Variants in HSPBAP1 observed in about 807,000 individuals in gnomAD.
HSPBAP1 encodes the protein HSPB1-associated protein 1.
HSPBAP1 carries 27 observed loss-of-function variants against 45.2 expected under a neutral mutation model. The observed-to-expected ratio is 0.60, with a 90% CI of 0.44 to 0.82. HSPBAP1 has a LOEUF of 0.82. Among genes scored for constraint, HSPBAP1 ranks in the 40% least tolerant of loss-of-function variants. The pLI, the probability that HSPBAP1 is intolerant of heterozygous loss-of-function variation, is 0.00. For missense variants in HSPBAP1, 510 were observed against 590.9 expected, an observed-to-expected ratio of 0.86 and a Z score of 1.42; for synonymous variants, 204 against 202.7, an observed-to-expected ratio of 1.01 and a Z score of -0.06.
intron 1 of HSPBAP1, among the ~76,000 whole-genome samples, chr3:122,779,492 T>TTTTATTTATTTATTTATTTATTTATTTA (rs58626370): frequency 6.9e-6 from 1 of 144,318 alleles, no homozygotes; most frequent in Non-Finnish European, 1.5e-5. Flanking sequence ...ATATGTTTTC[T>TTTTATTTATTTATTTATTTATTTATTTA]TTTATTTATT....
At chr3:122,767,200 T>C (rs749716106) in intron 3 of HSPBAP1, among the ~76,000 whole-genome samples, 4 of 152,242 alleles carry the variant, frequency 2.6e-5, no homozygotes, top group Non-Finnish European at 5.9e-5. Context: ...TTAAAACCTA[T>C]GCATTTCTTT....
chr3:122,789,964 AC>A (rs1367559598), intron 1 of HSPBAP1, among the ~76,000 whole-genome samples: 2 of 151,754 alleles, frequency 1.3e-5, no homozygotes, highest in Non-Finnish European at 2.9e-5. Context: ...ACAGGTTCAA[AC>A]GATTCTTGTG....
chr3:122,747,265 C>G (rs1159167528), intron 6 of HSPBAP1, among the ~76,000 whole-genome samples: 1 of 150,294 alleles, frequency 6.7e-6, no homozygotes, highest in African/African-American at 2.5e-5. Flanking sequence ...TCTGCCCGGC[C>G]GCCCATCGTC....
chr3:122,741,120 TA>T lies in HSPBAP1; in HGVS notation c.826-8del, dbSNP rs755126554. ...GGGCTAGGTGATCCTCTTCCTGAAT[TA>T]AAAAAACACGCTTTTAACTTCTGTT... On this transcript the variant is annotated splice_region_variant and splice_polypyrimidine_tract_variant and intron_variant, in intron 6 of 7. Transcript: ENST00000306103. 1.9e-6 allele frequency: 3 copies of T among 1,597,764 alleles called. No homozygotes were observed. Among genetic ancestry groups the T allele is most frequent in the African/African-American group, 1.3e-5 (1 of 74,688 alleles).
chr3:122,765,672 T>C (rs1378694112), intron 3 of HSPBAP1, among the ~76,000 whole-genome samples: 1 of 152,050 alleles, frequency 6.6e-6, no homozygotes, highest in Non-Finnish European at 1.5e-5. Flanking sequence ...ACAGTGGTAT[T>C]AACAAATGTG....
chr3:122,744,129 T>A (rs1324776940), intron 6 of HSPBAP1, among the ~76,000 whole-genome samples: 3 of 152,090 alleles, frequency 2.0e-5, no homozygotes, highest in Non-Finnish European at 2.9e-5. Flanking sequence ...TAACAAAAGA[T>A]ATAACAAAGG....
At chr3:122,787,413 G>A (rs918671073) in intron 1 of HSPBAP1, among the ~76,000 whole-genome samples, 1 of 152,092 alleles carries the variant, frequency 6.6e-6, no homozygotes, top group African/African-American at 2.4e-5. Flanking sequence ...CAAGAATAAG[G>A]AACATTTACC....
intron 3 of HSPBAP1, among the ~76,000 whole-genome samples, chr3:122,761,080 G>C: frequency 6.6e-6 from 1 of 152,170 alleles, no homozygotes; most frequent in East Asian, 1.9e-4. Context: ...GAGCTTAGGG[G>C]AGGCTTCCAA....
chr3:122,769,056 T>C (rs191494564), intron 2 of HSPBAP1, among the ~76,000 whole-genome samples, 174 bp from the exon 3 acceptor site: 1 of 152,126 alleles, frequency 6.6e-6, no homozygotes, highest in African/African-American at 2.4e-5. Flanking sequence ...TCTCTGGAGG[T>C]TGAGGCAGGA....
At chr3:122,765,580 C>CAA (rs58965358) in intron 3 of HSPBAP1, among the ~76,000 whole-genome samples, 6 of 58,804 alleles carry the variant, frequency 1.0e-4, no homozygotes, top group African/African-American at 2.3e-4. Context: ...GACTCTGTCT[C>CAA]AAAAAAAAAA....
At chr3:122,768,990 C>CT (rs1934885994) in intron 2 of HSPBAP1, 108 bp from the exon 3 acceptor site, 1 of 814,206 alleles carries the variant, frequency 1.2e-6, no homozygotes, top group Non-Finnish European at 1.9e-6. Flanking sequence ...ACTTTGAAGA[C>CT]TAATTAAAAA....
chr3:122,777,703 G>C lies in HSPBAP1; in HGVS notation c.250+18C>G. The C allele has an allele frequency of 6.3e-7, 1 of 1,578,630 alleles. No individual in the cohort carries two copies. The highest frequency in any genetic ancestry group is 1.1e-5 in the South Asian group (1 of 88,330). On this transcript the variant is annotated intron_variant, in intron 2 of 7. Coordinates refer to ENST00000306103, the MANE Select transcript of HSPBAP1 (RefSeq NM_024610.6). The stretch of plus-strand genomic sequence containing the variant: ...GCTCCTGAAGAGACATTATGATGGT[G>C]ATTACCTATAGTCATACCTGTGCTC...
intron 6 of HSPBAP1, among the ~76,000 whole-genome samples, chr3:122,748,191 G>A (rs879035748): frequency 5.9e-5 from 9 of 152,104 alleles, no homozygotes; most frequent in South Asian, 4.1e-4. Flanking sequence ...CAGCGTGCTC[G>A]TTGAGAGTCA....
At chr3:122,779,804 C>A (rs1225632665) in intron 1 of HSPBAP1, among the ~76,000 whole-genome samples, 3 of 151,882 alleles carry the variant, frequency 2.0e-5, no homozygotes, top group African/African-American at 7.3e-5. Flanking sequence ...GCACATGTTT[C>A]AGAGAGCACA....
At chr3:122,749,231 T>C (rs1046870327) in intron 6 of HSPBAP1, among the ~76,000 whole-genome samples, 11 of 151,894 alleles carry the variant, frequency 7.2e-5, no homozygotes, top group Non-Finnish European at 1.6e-4. Context: ...TGGATCTCTA[T>C]AAAGGTTGGG....
intron 1 of HSPBAP1, among the ~76,000 whole-genome samples, chr3:122,780,460 C>A (rs1218057202): frequency 8.6e-6 from 1 of 116,006 alleles, no homozygotes; most frequent in East Asian, 2.5e-4. Flanking sequence ...GGCGGCCGGG[C>A]AGAGGCGCCC....
chr3:122,740,249 C>T lies in HSPBAP1; in HGVS notation c.*96G>A. ...AAGGATAAATACATTTACAAATGTGCAAACTGACCTTTTGCTGGTTCATCT... is the reference window on the plus strand; with the variant it reads ...AAGGATAAATACATTTACAAATGTGTAAACTGACCTTTTGCTGGTTCATCT... On this transcript the variant is annotated 3_prime_UTR_variant, in exon 8 of 8. Transcript: ENST00000306103. 1 of 738,928 alleles carries T rather than the reference C, an allele frequency of 1.4e-6. No individual in the cohort carries two copies. The highest frequency in any genetic ancestry group is 2.0e-6 in the Non-Finnish European group (1 of 496,250). The allele number at this position is 738,928 out of a possible 1,614,324, so 45.8% of individuals were successfully genotyped here.
chr3:122,744,234 A>G (rs1446130630), intron 6 of HSPBAP1, among the ~76,000 whole-genome samples: 1 of 152,202 alleles, frequency 6.6e-6, no homozygotes, highest in African/African-American at 2.4e-5. Context: ...CAATACTCGA[A>G]TAAGGAGGTG....
rs913989061 is a variant in HSPBAP1 at position 122,793,823 on chromosome 3, G to T, written c.-143C>A. 2.2e-5 allele frequency: 15 copies of T among 679,260 alleles called. 1 individual carries two copies. The Admixed American group carries it at 4.0e-4, about 18-fold the overall frequency. The allele number at this position is 679,260 out of a possible 1,614,324, so 42.1% of individuals were successfully genotyped here. A position where few individuals can be genotyped will look rare whatever the true frequency, so the allele number is the denominator to read the frequency against. ...CCCGCCCGGCTCCTACGGAAACGCC[G>T]GCTCTCACGTGGAGGTCACGTGACG... On this transcript the variant is annotated 5_prime_UTR_variant, in exon 1 of 8. Transcript: ENST00000306103.
Sources: gnomAD v4.1 joint callset for allele counts (sites outside exome capture counted in the v4.1 genomes callset) on GRCh38, gnomAD v4.1.1 for gene constraint, MANE v1.5 for transcripts, NCBI Gene and HGNC (gene_info 2026-07-23, HGNC 2026-07-21) for gene names.